The following SHISA5 variants were observed in gnomAD, a reference collection of about 807,000 sequenced individuals.
SHISA5 encodes protein shisa-5.
SHISA5 carries 21 observed loss-of-function variants against 27.5 expected under a neutral mutation model. That is an observed-to-expected ratio of 0.76 (90% CI 0.54 to 1.10). SHISA5 has a LOEUF of 1.10. SHISA5 is among the 50% of genes least tolerant of loss of function. The pLI is 0.00. For synonymous variants in SHISA5, 137 were observed against 142.2 expected (o/e 0.96, Z 0.26); for missense variants, 314 against 336.3 (o/e 0.93, Z 0.52).
intron 2 of SHISA5, among the ~76,000 whole-genome samples, chr3:48,493,480 T>C (rs2041481848): frequency 7.1e-6 from 1 of 141,384 alleles, no homozygotes; most frequent in Admixed American, 7.0e-5. Context: ...AATTAATAAA[T>C]TAAATAAATA....
In SHISA5 at chr3:48,498,943, G is replaced by A. The variant is rs1026894106; in HGVS notation, c.233+2194C>T. Among the ~76,000 whole-genome samples, 56 of 151,754 alleles carry A rather than the reference G, an allele frequency of 3.7e-4. 1 individual carries two copies. Among genetic ancestry groups the A allele is most frequent in the Admixed American group, 3.1e-3 (47 of 15,218 alleles). ...CTAAAAAATACAAAATTAGCCGGGC[G>A]TGGTGGCACATGCCTGTAATCCCAG... On this transcript the variant is annotated intron_variant, in intron 2 of 5. Transcript: ENST00000296444.
intron 2 of SHISA5, among the ~76,000 whole-genome samples, chr3:48,491,057 G>A (rs1365245377): frequency 6.6e-6 from 1 of 151,270 alleles, no homozygotes; most frequent in East Asian, 1.9e-4. Flanking sequence ...TAGGCTAGAA[G>A]CTCCCCACCC....
intron 2 of SHISA5, among the ~76,000 whole-genome samples, chr3:48,500,609 C>T (rs1353136273): frequency 6.6e-6 from 1 of 152,092 alleles, no homozygotes; most frequent in Admixed American, 6.6e-5. Context: ...CACACAGGGG[C>T]CTGGAACCTT....
chr3:48,472,939 G>A (rs956270227), intron 3 of SHISA5: 225 of 1,425,772 alleles, frequency 1.6e-4, no homozygotes, highest in Non-Finnish European at 2.0e-4. Flanking sequence ...CCGCAAGGCC[G>A]TTATCATCCC....
rs1484566626 is a variant in SHISA5, at chr3:48,485,245, C to G, written c.234-5988G>C. Among the ~76,000 whole-genome samples the G allele has an allele frequency of 2.6e-5, 4 of 152,044 alleles. No individual in the cohort carries two copies. The East Asian group carries it at 7.7e-4, about 29-fold the overall frequency. On this transcript the variant is annotated intron_variant, in intron 2 of 5. Transcript: ENST00000296444. Reference sequence around the variant, plus strand: ...GCACGGTGGCTCACGCCTGTAATCCCAGCACTTTGGGAGGCCAAGGCGGGC... The same window carrying G: ...GCACGGTGGCTCACGCCTGTAATCCGAGCACTTTGGGAGGCCAAGGCGGGC...
At chr3:48,488,942 A>T (rs537311911) in intron 2 of SHISA5, among the ~76,000 whole-genome samples, 1 of 152,292 alleles carries the variant, frequency 6.6e-6, no homozygotes, top group East Asian at 1.9e-4. Flanking sequence ...GTAAATACTA[A>T]GAGAGTAGTC....
At chr3:48,503,844 G>T in intron 1 of SHISA5, 175 bp downstream of exon 1, 1 of 1,304,874 alleles carries the variant, frequency 7.7e-7, no homozygotes, top group Non-Finnish European at 9.7e-7. Flanking sequence ...GGCAAGGAGG[G>T]TGCTGGGGTG....
chr3:48,495,657 G>A (rs2041530613), intron 2 of SHISA5, among the ~76,000 whole-genome samples: 1 of 146,818 alleles, frequency 6.8e-6, no homozygotes, highest in Non-Finnish European at 1.5e-5. Flanking sequence ...AAGTGGCTAA[G>A]ACTACAGGTG....
intron 2 of SHISA5, among the ~76,000 whole-genome samples, chr3:48,486,359 A>G (rs1347801295): frequency 1.1e-5 from 1 of 93,576 alleles, no homozygotes; most frequent in African/African-American, 4.7e-5. Flanking sequence ...TGTATTATAT[A>G]TTATATATTA....
intron 2 of SHISA5, among the ~76,000 whole-genome samples, chr3:48,493,132 T>C (rs1251857690): frequency 0.01 from 1 of 100 alleles, no homozygotes; most frequent in African/African-American, 0.056. Flanking sequence ...CCAAAATTGC[T>C]AAAATTAAAC....
At chr3:48,476,139 G>A (rs368710521) in intron 3 of SHISA5, among the ~76,000 whole-genome samples, 3 of 152,056 alleles carry the variant, frequency 2.0e-5, no homozygotes, top group African/African-American at 4.8e-5. Context: ...TCAGGAGCTC[G>A]AGACCAGTCT....
intron 3 of SHISA5, among the ~76,000 whole-genome samples, chr3:48,472,375 G>C (rs1428747409): frequency 6.6e-6 from 1 of 150,884 alleles, no homozygotes; most frequent in East Asian, 1.9e-4. Flanking sequence ...ACGTGCCTGT[G>C]GTCCCAGCTA....
chr3:48,483,574 A>G (rs1472864700), intron 2 of SHISA5, among the ~76,000 whole-genome samples: 1 of 151,986 alleles, frequency 6.6e-6, no homozygotes, highest in African/African-American at 2.4e-5. Context: ...CGCCATTGTC[A>G]CCTTGGCCCG....
chr3:48,480,802 T>C (rs2040983087), intron 2 of SHISA5, among the ~76,000 whole-genome samples: 1 of 152,078 alleles, frequency 6.6e-6, no homozygotes, highest in East Asian at 1.9e-4. Flanking sequence ...TGGTTAAAAA[T>C]AAATGATATG....
intron 2 of SHISA5, among the ~76,000 whole-genome samples, chr3:48,488,891 T>C (rs2041335082): frequency 6.7e-6 from 1 of 148,210 alleles, no homozygotes. Flanking sequence ...AAAAAAGAAC[T>C]AGAATTTAAA....
rs1302154382 is a variant in SHISA5 at position 48,493,624 on chromosome 3, G to A, written c.233+7513C>T. Among the ~76,000 whole-genome samples the A allele has an allele frequency of 3.7e-5, 5 of 136,426 alleles. 1 individual carries two copies. The highest frequency in any genetic ancestry group is 2.3e-4 in the South Asian group (1 of 4,390). 89.5% of individuals were successfully genotyped at this position (136,426 alleles called of 152,430 possible). On this transcript the variant is annotated intron_variant, in intron 2 of 5. Transcript: ENST00000296444. Reference sequence around the variant, plus strand: ...CGGCTCACTGCAACCTCTGCCCACCGGGTTCAAGCGATTCTCCCTGCCTCA... The same window carrying A: ...CGGCTCACTGCAACCTCTGCCCACCAGGTTCAAGCGATTCTCCCTGCCTCA...
chr3:48,491,801 T>G (rs1392085988), intron 2 of SHISA5, among the ~76,000 whole-genome samples: 3 of 151,708 alleles, frequency 2.0e-5, no homozygotes, highest in Non-Finnish European at 4.4e-5. Flanking sequence ...ACGCGCACCA[T>G]CATGCCTGGG....
At chr3:48,494,207 G>A (rs2041494962) in intron 2 of SHISA5, among the ~76,000 whole-genome samples, 1 of 146,368 alleles carries the variant, frequency 6.8e-6, no homozygotes, top group Non-Finnish European at 1.5e-5. Context: ...AGATGGTGCT[G>A]TATTTGTCTT....
chr3:48,484,337 T>G (rs1030042923), intron 2 of SHISA5, among the ~76,000 whole-genome samples: 2 of 152,222 alleles, frequency 1.3e-5, no homozygotes, highest in Admixed American at 6.5e-5. Context: ...GGCTCATGCC[T>G]GTAATCCCTA....
Sources: gnomAD v4.1 joint callset for allele counts (sites outside exome capture counted in the v4.1 genomes callset) on GRCh38, gnomAD v4.1.1 for gene constraint, MANE v1.5 for transcripts, NCBI Gene and HGNC (gene_info 2026-07-23, HGNC 2026-07-21) for gene names.